The following DPP10 variants were observed in gnomAD, a reference collection of about 807,000 sequenced individuals.
DPP10 encodes the protein dipeptidyl peptidase like 10, also known as inactive dipeptidyl peptidase 10.
Under a neutral mutation model 120.9 loss-of-function variants are expected in DPP10, and 33 were observed. The observed-to-expected ratio is 0.27, with a 90% CI of 0.21 to 0.37. The LOEUF (loss-of-function observed/expected upper bound fraction) is 0.37. DPP10 is among the 10% of genes least tolerant of loss of function. The probability of loss-of-function intolerance (pLI) is 1.00; values close to 1 mark genes in which losing one functional copy is unlikely to be tolerated. For missense variants in DPP10, 816 were observed against 942.8 expected (o/e 0.87, Z 1.76); for synonymous variants, 337 against 326.1 (o/e 1.03, Z -0.36).
intron 1 of DPP10, chr2:115,064,655 G>C: frequency 7.8e-7 from 1 of 1,289,204 alleles, no homozygotes; most frequent in Non-Finnish European, 1.0e-6. Flanking sequence ...AAAGTGTTGA[G>C]AACTGGAAGC....
chr2:114,959,569 A>T (rs989776433), intron 1 of DPP10, among the ~76,000 whole-genome samples: 1 of 152,152 alleles, frequency 6.6e-6, no homozygotes, highest in Non-Finnish European at 1.5e-5. Flanking sequence ...ATAGGATTTC[A>T]TTTCTTTTAA....
intron 5 of DPP10, among the ~76,000 whole-genome samples, chr2:115,580,421 A>G (rs2081945468): frequency 6.6e-6 from 1 of 152,140 alleles, no homozygotes. Flanking sequence ...AACTGTTTTT[A>G]TTGAGCACTT....
At chr2:115,195,401 A>G (rs963465449) in intron 1 of DPP10, among the ~76,000 whole-genome samples, 6 of 152,148 alleles carry the variant, frequency 3.9e-5, no homozygotes, top group Non-Finnish European at 5.9e-5. Context: ...CAAATAAGCA[A>G]TTTTGCTCAT....
At chr2:115,611,016 A>T (rs1348799801) in intron 5 of DPP10, among the ~76,000 whole-genome samples, 1 of 152,152 alleles carries the variant, frequency 6.6e-6, no homozygotes, top group Non-Finnish European at 1.5e-5. Flanking sequence ...TATCGATATT[A>T]TATCAGACTG....
rs1363157782 is a variant in DPP10 at position 115,288,408 on chromosome 2, A to G, written c.61-20831A>G. On this transcript the variant is annotated intron_variant, in intron 1 of 25. Coordinates refer to ENST00000410059, the MANE Select transcript of DPP10 (RefSeq NM_020868.6). ...TCAATAAAATTCAATAAAATCCAAC[A>G]TCTCTTTATGATAAAAACCCTCAAC... 1.2e-4 allele frequency among the ~76,000 whole-genome samples: 19 copies of G among 152,152 alleles called. No individual in the cohort carries two copies. The East Asian group carries it at 3.1e-3, about 25-fold the overall frequency.
In DPP10 at chr2:115,495,347, AATTTTCAGCC is replaced by A. The variant is rs1472631222; in HGVS notation, c.272-4156_272-4147del. Among the ~76,000 whole-genome samples the A allele has an allele frequency of 7.9e-3, 834 of 105,522 alleles. 5 individuals are homozygous for A. The highest frequency in any genetic ancestry group is 0.013 in the Non-Finnish European group (703 of 54,010). 69.2% of individuals were successfully genotyped at this position (105,522 alleles called of 152,430 possible). ...TAGGAGTTTAATGTTTCTAGAAACT[AATTTTCAGCC>A]ATTTTCTGAAAAAAAAAAAAAAAAA... On this transcript the variant is annotated intron_variant, in intron 3 of 25. Transcript: ENST00000410059.
At chr2:115,659,064 G>T (rs966141186) in intron 5 of DPP10, among the ~76,000 whole-genome samples, 4 of 152,220 alleles carry the variant, frequency 2.6e-5, no homozygotes, top group Admixed American at 2.0e-4. Context: ...TATTGAGTGG[G>T]TTAGTTATCA....
At chr2:115,771,644 A>G (rs1356004291) in intron 13 of DPP10, among the ~76,000 whole-genome samples, 1 of 151,530 alleles carries the variant, frequency 6.6e-6, no homozygotes, top group Non-Finnish European at 1.5e-5. Flanking sequence ...AGCATTGATG[A>G]CTTTTTACCC....
chr2:114,461,420 G>T (rs546594617), intron 1 of DPP10, among the ~76,000 whole-genome samples: 1 of 152,188 alleles, frequency 6.6e-6, no homozygotes, highest in African/African-American at 2.4e-5. Flanking sequence ...GGTTCACCAG[G>T]AGAGAACAAT....
At chr2:114,971,716 AAAATATGAGATT>A (rs140916131) in intron 1 of DPP10, among the ~76,000 whole-genome samples, 39,054 of 152,102 alleles carry the variant, frequency 0.26, 5,061 homozygotes, top group East Asian at 0.34. Context: ...ATATTAAACC[AAAATATGAGATT>A]AATTCCCACT....
intron 1 of DPP10, among the ~76,000 whole-genome samples, chr2:114,452,967 A>G (rs538744185): frequency 6.6e-6 from 1 of 152,260 alleles, no homozygotes; most frequent in Admixed American, 6.5e-5. Flanking sequence ...AGTACCCCAC[A>G]ACTCTTGTTG....
chr2:115,031,501 T>C (rs1412153042), intron 1 of DPP10, among the ~76,000 whole-genome samples: 2 of 152,178 alleles, frequency 1.3e-5, no homozygotes, highest in Non-Finnish European at 2.9e-5. Context: ...TCCTAGATCA[T>C]TGAATCACTG....
At chr2:114,835,212 T>C (rs1360811185) in intron 1 of DPP10, 1 of 151,732 alleles carries the variant, frequency 6.6e-6, no homozygotes, top group Non-Finnish European at 1.5e-5. Context: ...CCTATGTATA[T>C]ATAGGACATA....
chr2:115,653,670 G>A (rs1369335081), intron 5 of DPP10, among the ~76,000 whole-genome samples: 2 of 151,882 alleles, frequency 1.3e-5, no homozygotes, highest in Non-Finnish European at 2.9e-5. Flanking sequence ...TTTTCTAGAT[G>A]ATTCCATTCC....
At chr2:115,692,342 C>T (rs994023526) in intron 7 of DPP10, among the ~76,000 whole-genome samples, 51 of 151,822 alleles carry the variant, frequency 3.4e-4, no homozygotes, top group East Asian at 7.8e-4. Flanking sequence ...GAACAATGTT[C>T]TATATGTGCC....
chr2:115,800,418 G>C (rs1315483988), intron 19 of DPP10, among the ~76,000 whole-genome samples: 44 of 152,102 alleles, frequency 2.9e-4, no homozygotes, highest in African/African-American at 9.4e-4. Flanking sequence ...TTCTTTTGCT[G>C]TGCAGAAACT....
intron 3 of DPP10, among the ~76,000 whole-genome samples, chr2:115,389,756 CA>C (rs1454489348): frequency 6.6e-6 from 1 of 152,158 alleles, no homozygotes; most frequent in Non-Finnish European, 1.5e-5. Flanking sequence ...AGAACATACT[CA>C]CAAAAGAGTA....
intron 1 of DPP10, among the ~76,000 whole-genome samples, chr2:114,598,185 A>G (rs766635361): frequency 9.2e-5 from 14 of 151,966 alleles, no homozygotes; most frequent in Admixed American, 4.6e-4. Flanking sequence ...AAAAGGGGCA[A>G]TATGATACAG....
intron 5 of DPP10, among the ~76,000 whole-genome samples, chr2:115,619,718 C>A (rs1006852107): frequency 6.6e-6 from 1 of 152,130 alleles, no homozygotes; most frequent in African/African-American, 2.4e-5. Context: ...CTCTGCTTTT[C>A]TCTGTGTGGA....
Sources: gnomAD v4.1 joint callset for allele counts (sites outside exome capture counted in the v4.1 genomes callset) on GRCh38, gnomAD v4.1.1 for gene constraint, MANE v1.5 for transcripts, NCBI Gene and HGNC (gene_info 2026-07-23, HGNC 2026-07-21) for gene names.